Variants in HSF2 observed in about 807,000 individuals in gnomAD.
HSF2 encodes heat shock transcription factor 2.
HSF2 carries 21 observed loss-of-function variants against 65.0 expected under a neutral mutation model. That is an observed-to-expected ratio of 0.32 (90% confidence interval 0.23 to 0.47). The LOEUF (loss-of-function observed/expected upper bound fraction) is 0.47. Among genes scored for constraint, HSF2 ranks in the 20% least tolerant of loss-of-function variants. The pLI is 1.00. For missense variants in HSF2, 499 were observed against 628.1 expected (o/e 0.79, Z 2.20); for synonymous variants, 225 against 219.1 (o/e 1.03, Z -0.24).
Position 122,420,150 on chromosome 6 carries a change from C to T in HSF2, c.609C>T (p.Asn203=). 6.2e-7 allele frequency: 1 copy of T among 1,609,992 alleles called. No individual in the cohort carries two copies. Among genetic ancestry groups the T allele is most frequent in the Non-Finnish European group, 8.5e-7 (1 of 1,177,964 alleles). The change falls in exon 7 of 13, where the codon AAC becomes AAT. Residue 203 remains asparagine, a synonymous_variant. Transcript: ENST00000368455. ...SLKRKRPLLL[N]TNGAQKKNLF... ...TGGTTTTCAGGCCTCTACTTCTAAACACTAATGGAGCCCAAAAGAAGAACC... is the reference window on the plus strand; with the variant it reads ...TGGTTTTCAGGCCTCTACTTCTAAATACTAATGGAGCCCAAAAGAAGAACC...
chr6:122,402,545 C>A (rs528220551), intron 1 of HSF2, among the ~76,000 whole-genome samples: 3 of 151,944 alleles, frequency 2.0e-5, no homozygotes, highest in African/African-American at 7.2e-5. Context: ...GAGACTATAT[C>A]ACACTATATC....
intron 1 of HSF2, 141 bp from the exon 2 acceptor site, chr6:122,412,232 G>C: frequency 1.4e-5 from 8 of 561,550 alleles, no homozygotes; most frequent in Non-Finnish European, 2.6e-5. Flanking sequence ...TCTTGTTCCT[G>C]TTGTCAAGAA....
At chr6:122,430,561 T>C (rs1774439334) in intron 11 of HSF2, among the ~76,000 whole-genome samples, 1 of 152,128 alleles carries the variant, frequency 6.6e-6, no homozygotes, top group Admixed American at 6.6e-5. Context: ...TTTCGTAGTT[T>C]TTATTATATC....
intron 2 of HSF2, 21 bp downstream of exon 2, chr6:122,412,502 A>T: frequency 6.5e-7 from 1 of 1,548,160 alleles, no homozygotes; most frequent in Non-Finnish European, 8.9e-7. Context: ...ACAGCAGTTT[A>T]TTGGAGTACC....
chr6:122,415,965 C>G (rs1226500962), intron 4 of HSF2, among the ~76,000 whole-genome samples: 1 of 151,758 alleles, frequency 6.6e-6, no homozygotes, highest in Non-Finnish European at 1.5e-5. Flanking sequence ...TGCAATGAGC[C>G]GAGATCGTAC....
intron 8 of HSF2, 66 bp from the exon 9 acceptor site, chr6:122,422,652 G>T: frequency 6.7e-7 from 1 of 1,499,366 alleles, no homozygotes; most frequent in Non-Finnish European, 9.2e-7. Context: ...CATTTAGAAT[G>T]AATGGATAGT....
At chr6:122,407,491 A>T (rs903991184) in intron 1 of HSF2, among the ~76,000 whole-genome samples, 2 of 152,052 alleles carry the variant, frequency 1.3e-5, no homozygotes, top group Non-Finnish European at 2.9e-5. Context: ...TGAGGTTTTG[A>T]TTTATATTTT....
chr6:122,421,860 T>C (rs1774241842), intron 7 of HSF2, among the ~76,000 whole-genome samples: 1 of 152,136 alleles, frequency 6.6e-6, no homozygotes, highest in African/African-American at 2.4e-5. Context: ...AAAAATACTT[T>C]AAAATTTGAA....
chr6:122,431,659 A>C lies in HSF2; in HGVS notation c.1315+145A>C. The C allele has an allele frequency of 3.8e-6, 2 of 532,122 alleles. 1 individual carries two copies. Among genetic ancestry groups the C allele is most frequent in the South Asian group, 6.7e-5 (2 of 29,640 alleles). The allele number at this position is 532,122 out of a possible 1,614,324, so 33.0% of individuals were successfully genotyped here. On this transcript the variant is annotated intron_variant, in intron 12 of 12. Transcript: ENST00000368455. ...AGGTTCTAGTATATAGAGAAAGTTG[A>C]ATTGGTGAGGTAACAATTCTTTAAG... is the stretch of plus-strand genomic sequence containing the variant.
chr6:122,400,006 C>T (rs1417996265), intron 1 of HSF2, among the ~76,000 whole-genome samples, 176 bp downstream of exon 1: 1 of 152,062 alleles, frequency 6.6e-6, no homozygotes, highest in Admixed American at 6.5e-5. Context: ...CGGGGAGCCG[C>T]GGGGGCCCGG....
intron 1 of HSF2, among the ~76,000 whole-genome samples, chr6:122,404,663 T>C (rs984731261): frequency 2.0e-5 from 3 of 152,204 alleles, no homozygotes; most frequent in African/African-American, 7.2e-5. Flanking sequence ...GGGTAAGGTT[T>C]AAGGAGAAGG....
intron 1 of HSF2, among the ~76,000 whole-genome samples, chr6:122,405,882 T>G (rs1773858281): frequency 6.6e-6 from 1 of 152,196 alleles, no homozygotes; most frequent in Non-Finnish European, 1.5e-5. Context: ...AAAAACTGTT[T>G]ATGGGGAGAT....
At chr6:122,426,260 T>C (rs905621768) in intron 10 of HSF2, among the ~76,000 whole-genome samples, 1 of 152,122 alleles carries the variant, frequency 6.6e-6, no homozygotes, top group African/African-American at 2.4e-5. Context: ...ACAGCTTCTC[T>C]CTGAAGAGTT....
intron 5 of HSF2, among the ~76,000 whole-genome samples, chr6:122,418,266 T>G (rs1337395490): frequency 1.3e-5 from 2 of 152,192 alleles, no homozygotes; most frequent in East Asian, 3.9e-4. Context: ...CAATGTAATT[T>G]CAAGACATAC....
intron 1 of HSF2, among the ~76,000 whole-genome samples, chr6:122,401,565 A>G (rs1773733380): frequency 6.6e-6 from 1 of 152,136 alleles, no homozygotes; most frequent in Admixed American, 6.5e-5. Context: ...TTTCGTACTG[A>G]TCCGTAAATG....
chr6:122,411,130 T>G (rs1773983881), intron 1 of HSF2, among the ~76,000 whole-genome samples: 1 of 151,768 alleles, frequency 6.6e-6, no homozygotes, highest in South Asian at 2.1e-4. Context: ...GTTTTATGCG[T>G]TTTTGATAAT....
intron 12 of HSF2, 28 bp from the exon 13 acceptor site, chr6:122,431,896 AT>A: frequency 6.3e-7 from 1 of 1,589,414 alleles, no homozygotes; most frequent in Non-Finnish European, 8.6e-7. Context: ...TAAGCTGGTG[AT>A]AAAAGAGTGT....
intron 1 of HSF2, among the ~76,000 whole-genome samples, chr6:122,408,756 TATC>T (rs1773921430): frequency 6.6e-6 from 1 of 152,102 alleles, no homozygotes; most frequent in African/African-American, 2.4e-5. Flanking sequence ...TAGAAGCAAT[TATC>T]ATGGCATTCT....
chr6:122,428,327 C>T (rs1774382457), intron 11 of HSF2, among the ~76,000 whole-genome samples: 1 of 151,752 alleles, frequency 6.6e-6, no homozygotes, highest in Non-Finnish European at 1.5e-5. Context: ...AGTTATAGTA[C>T]CCATATTTTT....
Sources: allele counts gnomAD v4.1 joint callset (sites outside exome capture counted in the v4.1 genomes callset), GRCh38; gene constraint gnomAD v4.1.1; transcripts MANE v1.5; gene names NCBI Gene and HGNC (gene_info 2026-07-23, HGNC 2026-07-21).